The following ROBO2 variants were observed in gnomAD, a reference collection of about 807,000 sequenced individuals.
ROBO2 encodes roundabout homolog 2.
A neutral mutation model predicts 160.8 loss-of-function variants in ROBO2; 53 were observed. The observed-to-expected ratio is 0.33, with a 90% confidence interval of 0.26 to 0.41. The LOEUF is 0.41. Ranked by LOEUF, ROBO2 falls within the 10% of genes least tolerant of loss-of-function variation. The pLI is 1.00. For synonymous variants in ROBO2, 664 were observed against 611.7 expected (o/e 1.09, Z -1.26); for missense variants, 1,577 against 1,722.4 (o/e 0.92, Z 1.49).
chr3:76,535,222 G>C (rs185520183), intron 2 of ROBO2, among the ~76,000 whole-genome samples: 1 of 152,162 alleles, frequency 6.6e-6, no homozygotes, highest in East Asian at 1.9e-4. Flanking sequence ...TGGATGGGAA[G>C]GATAATCTGA....
At chr3:76,662,010 T>A (rs2091842724) in intron 2 of ROBO2, among the ~76,000 whole-genome samples, 1 of 152,020 alleles carries the variant, frequency 6.6e-6, no homozygotes, top group South Asian at 2.1e-4. Flanking sequence ...CTACAAAGAG[T>A]GTTTTGTTAG....
intron 2 of ROBO2, among the ~76,000 whole-genome samples, chr3:76,617,279 T>TTG (rs1186438229): frequency 3.7e-5 from 2 of 54,290 alleles, no homozygotes; most frequent in African/African-American, 9.8e-5. Flanking sequence ...TAACCCTTTA[T>TTG]TGTATATATA....
At chr3:76,524,621 G>C (rs1400375637) in intron 2 of ROBO2, among the ~76,000 whole-genome samples, 4 of 151,230 alleles carry the variant, frequency 2.6e-5, no homozygotes, top group Non-Finnish European at 5.9e-5. Context: ...TATTAAAAAT[G>C]AGTTGATTTC....
intron 2 of ROBO2, among the ~76,000 whole-genome samples, chr3:76,020,100 T>G (rs1279549037): frequency 6.6e-6 from 1 of 151,958 alleles, no homozygotes. Flanking sequence ...AAAGTTGAAA[T>G]GAATGTATAA....
In ROBO2 at chr3:77,280,237, G is replaced by A. The variant is rs1007726431; in HGVS notation, c.388+181897G>A. 2.6e-5 allele frequency among the ~76,000 whole-genome samples: 4 copies of A among 152,058 alleles called. No homozygotes were observed. In the East Asian group the frequency reaches 7.7e-4, roughly 29 times the overall value. On this transcript the variant is annotated intron_variant, in intron 2 of 25. Coordinates refer to ENST00000461745, the Ensembl canonical transcript of ROBO2. The stretch of plus-strand genomic sequence containing the variant: ...TGTTTAGACAAACCGCTTTTCTGCC[G>A]TTATACCTTACTCACCTTACTTAGG...
At chr3:76,390,092 G>A (rs1255525705) in intron 2 of ROBO2, among the ~76,000 whole-genome samples, 2 of 152,006 alleles carry the variant, frequency 1.3e-5, no homozygotes, top group Non-Finnish European at 2.9e-5. Context: ...TTTTAAAGAT[G>A]ATACTCATTA....
rs929722411 is a variant in ROBO2, at chr3:76,906,876, C to T, written c.110-191138C>T. Reference sequence around the variant, plus strand: ...TTGACTACAAATATATTAAATGACTCATTTTGAATTCATATTTGGTTAAGA... The same window carrying T: ...TTGACTACAAATATATTAAATGACTTATTTTGAATTCATATTTGGTTAAGA... On this transcript the variant is annotated intron_variant, in intron 2 of 26. Transcript: ENST00000487694. 6.6e-5 allele frequency among the ~76,000 whole-genome samples: 10 copies of T among 152,062 alleles called. No homozygotes were observed. The South Asian group carries it at 1.2e-3, about 19-fold the overall frequency.
intron 2 of ROBO2, among the ~76,000 whole-genome samples, chr3:76,283,136 G>GTATGTATATATATATA (rs1553695789): frequency 1.6e-5 from 1 of 63,540 alleles, no homozygotes; most frequent in African/African-American, 4.4e-5. Context: ...ATATAAAACT[G>GTATGTATATATATATA]TATATATATA....
chr3:77,141,380 T>A (rs2150428554), intron 2 of ROBO2, among the ~76,000 whole-genome samples: 1 of 152,260 alleles, frequency 6.6e-6, no homozygotes, highest in South Asian at 2.1e-4. Flanking sequence ...GACCTACTAT[T>A]GGTCCCACTC....
At chr3:76,477,359 G>T (rs1248809071) in intron 2 of ROBO2, among the ~76,000 whole-genome samples, 2 of 152,054 alleles carry the variant, frequency 1.3e-5, no homozygotes, top group African/African-American at 4.8e-5. Flanking sequence ...TAAATCAGAT[G>T]ATTATAAATA....
chr3:76,013,844 G>C (rs2066294192), intron 2 of ROBO2, among the ~76,000 whole-genome samples: 1 of 152,106 alleles, frequency 6.6e-6, no homozygotes. Flanking sequence ...TGTAATCCCA[G>C]AAGTGATATG....
intron 2 of ROBO2, among the ~76,000 whole-genome samples, chr3:75,957,248 AAC>A (rs74280410): frequency 0.06 from 9,029 of 149,438 alleles, 385 homozygotes; most frequent in Non-Finnish European, 0.088. Flanking sequence ...ACACACACAA[AAC>A]ACACACACAC....
intron 2 of ROBO2, among the ~76,000 whole-genome samples, chr3:76,126,483 T>C (rs2070994650): frequency 1.3e-5 from 2 of 152,140 alleles, no homozygotes; most frequent in African/African-American, 4.8e-5. Context: ...GTATTTTTTC[T>C]TTGTTTAAAA....
chr3:76,800,951 A>G (rs760232545), intron 2 of ROBO2, among the ~76,000 whole-genome samples: 1 of 152,254 alleles, frequency 6.6e-6, no homozygotes, highest in Non-Finnish European at 1.5e-5. Flanking sequence ...CTGAACTCCC[A>G]TATTTATTGT....
chr3:77,306,641 A>G (rs2063118234), intron 2 of ROBO2, among the ~76,000 whole-genome samples: 1 of 152,216 alleles, frequency 6.6e-6, no homozygotes, highest in Non-Finnish European at 1.5e-5. Context: ...ATCATGGTCT[A>G]AAAAGATGGA....
intron 2 of ROBO2, among the ~76,000 whole-genome samples, chr3:76,249,667 T>C (rs1705861398): frequency 6.6e-6 from 1 of 152,064 alleles, no homozygotes; most frequent in African/African-American, 2.4e-5. Context: ...GGAATAATAA[T>C]ACTTTACTGC....
intron 2 of ROBO2, among the ~76,000 whole-genome samples, chr3:76,869,450 C>T (rs542549913): frequency 4.1e-5 from 6 of 147,106 alleles, no homozygotes; most frequent in Admixed American, 3.5e-4. Flanking sequence ...CCCGGGTTCA[C>T]GCCATTCTCC....
At chr3:76,049,123 ACTT>A (rs1478100477) in intron 2 of ROBO2, among the ~76,000 whole-genome samples, 1 of 152,078 alleles carries the variant, frequency 6.6e-6, no homozygotes, top group Admixed American at 6.6e-5. Flanking sequence ...AGTTTTGGCA[ACTT>A]CTTATTTTGA....
chr3:76,635,604 C>G (rs2090287461), intron 2 of ROBO2, among the ~76,000 whole-genome samples: 2 of 152,142 alleles, frequency 1.3e-5, no homozygotes, highest in Admixed American at 6.5e-5. Flanking sequence ...CTTTCATTAC[C>G]TTTGAACTTC....
Sources: gnomAD v4.1 joint callset for allele counts (sites outside exome capture counted in the v4.1 genomes callset) on GRCh38, gnomAD v4.1.1 for gene constraint, MANE v1.5 for transcripts, NCBI Gene and HGNC (gene_info 2026-07-23, HGNC 2026-07-21) for gene names.